Variants in RHPN1 observed in about 807,000 individuals in gnomAD.
RHPN1 encodes the protein rhophilin-1.
RHPN1 carries 77 observed loss-of-function variants against 74.7 expected under a neutral mutation model. That is an observed-to-expected ratio of 1.03 (90% CI 0.86 to 1.25). The LOEUF is 1.25. RHPN1 is among the 50% of genes most tolerant of loss of function. The pLI is 0.00. For missense variants in RHPN1, 987 were observed against 932.2 expected, an observed-to-expected ratio of 1.06 and a Z score of -0.77; for synonymous variants, 444 against 414.5, an observed-to-expected ratio of 1.07 and a Z score of -0.87.
Position 143,382,897 on chromosome 8 carries a change from G to A in RHPN1, c.*246G>A. 1.8e-6 allele frequency: 1 copy of A among 555,854 alleles called. No homozygotes were observed. The highest frequency in any genetic ancestry group is 3.2e-6 in the Non-Finnish European group (1 of 309,942). 34.4% of individuals were successfully genotyped at this position (555,854 alleles called of 1,614,324 possible). Reference sequence around the variant, plus strand: ...GTCGGTCTGAGGTCAGCTTCCTGGGGCTGCCCCACCCTGAGGGCTCCTTAC... The same window carrying A: ...GTCGGTCTGAGGTCAGCTTCCTGGGACTGCCCCACCCTGAGGGCTCCTTAC... On this transcript the variant is annotated 3_prime_UTR_variant, in exon 15 of 15. Transcript: ENST00000289013.
chr8:143,374,123 A>C, intron 1 of RHPN1: 1 of 985,126 alleles, frequency 1.0e-6, no homozygotes, highest in Non-Finnish European at 1.2e-6. Flanking sequence ...TAGCAAAAAG[A>C]ACTCTCTCCA....
In RHPN1 at chr8:143,380,734, C is replaced by T. The variant is rs912243871; in HGVS notation, c.1362C>T (p.Leu454=). 29 of 1,594,616 alleles carry T rather than the reference C, an allele frequency of 1.8e-5. No individual in the cohort carries two copies. The highest frequency in any genetic ancestry group is 2.7e-5 in the African/African-American group (2 of 74,550). The part of the protein sequence containing the change: ...LQRSLAKYAE[L]DREDDFCEAA... ...GCTCACTGGCCAAGTATGCGGAGCT[C>T]GACCGTGAGGATGACTTCTGTGAGG... The change falls in exon 11 of 15, where the codon CTC becomes CTT. Residue 454 remains leucine, a synonymous_variant. Coordinates refer to ENST00000289013, the MANE Select transcript of RHPN1 (RefSeq NM_052924.3).
chr8:143,381,415 G>A, intron 12 of RHPN1, 71 bp downstream of exon 12: 2 of 1,490,710 alleles, frequency 1.3e-6, no homozygotes, highest in South Asian at 2.5e-5. Flanking sequence ...CCAGCACATG[G>A]CCTCAGACAG....
chr8:143,375,046 G>A (rs1818121323), intron 1 of RHPN1, among the ~76,000 whole-genome samples: 1 of 152,230 alleles, frequency 6.6e-6, no homozygotes, highest in Non-Finnish European at 1.5e-5. Flanking sequence ...CGCCCCCAGA[G>A]CCTCAGGGAC....
chr8:143,382,393 G>A (rs1818801589), intron 14 of RHPN1, 43 bp from the exon 15 acceptor site: 1 of 1,514,586 alleles, frequency 6.6e-7, no homozygotes, highest in Non-Finnish European at 9.0e-7. Flanking sequence ...GTGGGGACAG[G>A]CCAGCAGTGG....
At position 143,378,356 on chromosome 8, in the gene RHPN1, T is replaced by TCAC; in HGVS notation, c.459+11_459+12insACC. On this transcript the variant is annotated intron_variant, in intron 5 of 14. Coordinates refer to ENST00000289013, the MANE Select transcript of RHPN1 (RefSeq NM_052924.3). ...GGAGGCCCTGCGGCAGGTGTGTGGT[T>TCAC]CCCCCGCCCACCCACCCTCCTGCAG... 6.6e-7 allele frequency: 1 copy of TCAC among 1,525,440 alleles called. No homozygotes were observed. The allele number at this position is 1,525,440 out of a possible 1,614,324, so 94.5% of individuals were successfully genotyped here. A position where few individuals can be genotyped will look rare whatever the true frequency, so the allele number is the denominator to read the frequency against.
chr8:143,378,356 T>TCCCACC lies in RHPN1; in HGVS notation c.459+13_459+14insACCCCC. 2 of 1,525,432 alleles carry TCCCACC rather than the reference T, an allele frequency of 1.3e-6. No homozygotes were observed. Among genetic ancestry groups the TCCCACC allele is most frequent in the South Asian group, 1.2e-5 (1 of 83,564 alleles). 94.5% of individuals were successfully genotyped at this position (1,525,432 alleles called of 1,614,324 possible). On this transcript the variant is annotated intron_variant, in intron 5 of 14. Coordinates refer to ENST00000289013, the MANE Select transcript of RHPN1 (RefSeq NM_052924.3). Reference sequence around the variant, plus strand: ...GGAGGCCCTGCGGCAGGTGTGTGGTTCCCCCGCCCACCCACCCTCCTGCAG... The same window carrying TCCCACC: ...GGAGGCCCTGCGGCAGGTGTGTGGTTCCCACCCCCCCGCCCACCCACCCTCCTGCAG...
chr8:143,368,218 C>T (rs1817603145), upstream of RHPN1: 1 of 153,810 alleles, frequency 6.5e-6, no homozygotes, highest in Admixed American at 6.6e-5. Flanking sequence ...GGGTTCTGGA[C>T]GGAGGTTCTG....
chr8:143,378,692 G>T lies in RHPN1; in HGVS notation c.460-4G>T. 2 of 1,593,164 alleles carry T rather than the reference G, an allele frequency of 1.3e-6. No individual in the cohort carries two copies. Among genetic ancestry groups the T allele is most frequent in the Non-Finnish European group, 1.7e-6 (2 of 1,171,400 alleles). On this transcript the variant is annotated splice_polypyrimidine_tract_variant and splice_region_variant and intron_variant, in intron 5 of 14. Transcript: ENST00000289013. The stretch of plus-strand genomic sequence containing the variant: ...GGTGGGGCCCAGTGGCTCCTGCCCT[G>T]CAGGCCATGCGGACCCCCAGCCGGA...
chr8:143,378,976 C>A lies in RHPN1; in HGVS notation c.649C>A (p.Leu217Ile). ...CCTGGCCTTCGAGAAGGGCAGCGTT[C>A]TCTTCAACATCGGTGCCCTCCACAC... ...RALAFEKGSVLFNIGALHTQI... is the reference protein window; with the variant it reads ...RALAFEKGSVIFNIGALHTQI... Residue 217 changes from leucine to isoleucine, a missense_variant, in exon 7 of 15, where the codon CTC (leucine) becomes ATC (isoleucine). Transcript: ENST00000289013. 6.4e-7 allele frequency: 1 copy of A among 1,562,660 alleles called. No individual in the cohort carries two copies. Among genetic ancestry groups the A allele is most frequent in the Non-Finnish European group, 8.7e-7 (1 of 1,154,292 alleles).
At chr8:143,369,967 C>G (rs1462644410) in intron 1 of RHPN1, among the ~76,000 whole-genome samples, 1 of 152,232 alleles carries the variant, frequency 6.6e-6, no homozygotes, top group Non-Finnish European at 1.5e-5. Flanking sequence ...GACCGTAGCC[C>G]TCAAGGACGC....
Position 143,379,876 on chromosome 8 carries a change from C to T in RHPN1, c.993C>T (p.Pro331=), listed in dbSNP as rs572546044. The T allele has an allele frequency of 1.9e-4, 306 of 1,610,868 alleles. 2 individuals carry two copies. The South Asian group carries it at 3.1e-3, about 16-fold the overall frequency. The part of the protein sequence containing the change: ...RLVHRTMAQP[P]VHDYVPVSWT... ...TGCACCGGACCATGGCCCAGCCACC[C>T]GTCCACGACTACGTGCCTGTCTCCT... is the stretch of plus-strand genomic sequence containing the variant. The change falls in exon 9 of 15, where the codon CCC becomes CCT. Residue 331 remains proline (P), a synonymous_variant. Transcript: ENST00000289013.
chr8:143,379,527 G>C lies in RHPN1; in HGVS notation c.945+19G>C, dbSNP rs1450027224. ...CGCCCAGGTGAGCTCGGGCACCCGT[G>C]TCAGGATGCAGGGGGTGGGGCCGAG... On this transcript the variant is annotated intron_variant, in intron 8 of 14. Transcript: ENST00000289013. The C allele has an allele frequency of 2.0e-6, 3 of 1,530,690 alleles. No individual in the cohort carries two copies. In the African/African-American group the frequency reaches 4.1e-5, roughly 21 times the overall value. The allele number at this position is 1,530,690 out of a possible 1,614,324, so 94.8% of individuals were successfully genotyped here.
rs1238314615 is a variant in RHPN1 at position 143,373,511 on chromosome 8, G to A, written c.61-2042G>A. ...GATGGCGCGGGTTCCAGGGGACGGG[G>A]CGGGGGCTTGGGGGATGGTGTGGGT... On this transcript the variant is annotated intron_variant, in intron 1 of 14. Transcript: ENST00000289013. Among the ~76,000 whole-genome samples, 9 of 32,526 alleles carry A rather than the reference G, an allele frequency of 2.8e-4. No individual in the cohort carries two copies. In the East Asian group the frequency reaches 5.2e-3, roughly 19 times the overall value. The allele number at this position is 32,526 out of a possible 152,430, so 21.3% of individuals were successfully genotyped here.
chr8:143,378,949 G>GC lies in RHPN1; in HGVS notation c.625dup (p.Leu209ProfsTer82), dbSNP rs1563798618. 3 of 1,578,040 alleles carry GC rather than the reference G, an allele frequency of 1.9e-6. No individual in the cohort carries two copies. Among genetic ancestry groups the GC allele is most frequent in the Non-Finnish European group, 2.6e-6 (3 of 1,162,834 alleles). On this transcript the variant is annotated frameshift_variant, in exon 7 of 15. Coordinates refer to ENST00000289013, the MANE Select transcript of RHPN1 (RefSeq NM_052924.3). LOFTEE classifies it high-confidence loss of function. The stretch of plus-strand genomic sequence containing the variant: ...TACTGGGGTCCCGGCCCAGCAGCGT[G>GC]CCCTGGCCTTCGAGAAGGGCAGCGT...
chr8:143,383,065 C>G lies in RHPN1; in HGVS notation c.*414C>G, dbSNP rs879406157. On this transcript the variant is annotated 3_prime_UTR_variant, in exon 15 of 15. Transcript: ENST00000289013. ...CAGTGATTCCTGCTGGGCACCCCTT[C>G]GCTCACTGCCCCTCCACCATGCAGC... 4.5e-6 allele frequency: 1 copy of G among 223,820 alleles called. No homozygotes were observed. The highest frequency in any genetic ancestry group is 1.7e-3 in the Middle Eastern group (1 of 584). The allele number at this position is 223,820 out of a possible 1,614,324, so 13.9% of individuals were successfully genotyped here.
In RHPN1 at chr8:143,378,359, C is replaced by CGGGGGGGGGGG; in HGVS notation, c.459+13_459+14insGGGGGGGGGGG. 1.4e-6 allele frequency: 1 copy of CGGGGGGGGGGG among 721,580 alleles called. No individual in the cohort carries two copies. The highest frequency in any genetic ancestry group is 2.2e-6 in the Non-Finnish European group (1 of 458,182). The allele number at this position is 721,580 out of a possible 1,614,324, so 44.7% of individuals were successfully genotyped here. A position where few individuals can be genotyped will look rare whatever the true frequency, so the allele number is the denominator to read the frequency against. On this transcript the variant is annotated intron_variant, in intron 5 of 14. Transcript: ENST00000289013. ...GGCCCTGCGGCAGGTGTGTGGTTCC[C>CGGGGGGGGGGG]CCGCCCACCCACCCTCCTGCAGCCC...
Position 143,382,634 on chromosome 8 carries a change from C to T in RHPN1, c.1996C>T (p.His666Tyr). The change falls in exon 15 of 15, where the codon CAC becomes TAC. Residue 666 changes from histidine to tyrosine, a missense_variant. By Grantham distance (83) the His-to-Tyr change is moderately conservative. Transcript: ENST00000289013. ...GCCAGCTCCGCCCTCATCCTTGAAG[C>T]ACCCAGGGTGGCCGTGAGGGCCAGG... ...VKPAPPSSLK[H>Y]PGWP 1 of 1,609,988 alleles carries T rather than the reference C, an allele frequency of 6.2e-7. No individual in the cohort carries two copies. Among genetic ancestry groups the T allele is most frequent in the South Asian group, 1.1e-5 (1 of 90,980 alleles).
At chr8:143,366,264 C>T (rs1401839974), upstream of RHPN1, among the ~76,000 whole-genome samples, 1 of 152,178 alleles carries the variant, frequency 6.6e-6, no homozygotes, top group Non-Finnish European at 1.5e-5. Flanking sequence ...AGTTCCCTGC[C>T]TGTCACACCA....
Sources: gnomAD v4.1 joint callset for allele counts (sites outside exome capture counted in the v4.1 genomes callset) on GRCh38, gnomAD v4.1.1 for gene constraint, MANE v1.5 for transcripts, NCBI Gene and HGNC (gene_info 2026-07-23, HGNC 2026-07-21) for gene names.